The following ABI3BP variants were observed in gnomAD, a reference collection of about 807,000 sequenced individuals.
ABI3BP encodes the protein target of Nesh-SH3.
ABI3BP carries 216 observed loss-of-function variants against 268.6 expected under a neutral mutation model. That is an observed-to-expected ratio of 0.80 (90% CI 0.72 to 0.90). ABI3BP has a LOEUF of 0.90. Ranked by LOEUF, ABI3BP falls within the 40% of genes least tolerant of loss-of-function variation. ABI3BP has a pLI of 0.00. For missense variants in ABI3BP, 2,090 were observed against 2,182.4 expected (o/e 0.96, Z 0.84); for synonymous variants, 730 against 730.0 (o/e 1.00, Z 0.00).
At chr3:100,778,901 T>C (rs2096788961) in intron 58 of ABI3BP, among the ~76,000 whole-genome samples, 1 of 152,178 alleles carries the variant, frequency 6.6e-6, no homozygotes, top group Admixed American at 6.5e-5. Flanking sequence ...CAATCCCCCA[T>C]AGATACCAAG....
chr3:100,788,610 C>A (rs1384379554), intron 56 of ABI3BP, among the ~76,000 whole-genome samples: 2 of 152,058 alleles, frequency 1.3e-5, no homozygotes, highest in Non-Finnish European at 2.9e-5. Flanking sequence ...AAGCTCTCAA[C>A]ACCTATCATG....
At chr3:100,899,531 G>T (rs2049221495) in intron 3 of ABI3BP, among the ~76,000 whole-genome samples, 1 of 152,156 alleles carries the variant, frequency 6.6e-6, no homozygotes, top group Non-Finnish European at 1.5e-5. Context: ...CAGTTGTTCT[G>T]ATGGTGCCAA....
At chr3:100,799,439 T>C (rs2097455306) in intron 51 of ABI3BP, among the ~76,000 whole-genome samples, 1 of 152,170 alleles carries the variant, frequency 6.6e-6, no homozygotes, top group Admixed American at 6.5e-5. Context: ...TGAATACATA[T>C]TAATGTTTCT....
intron 18 of ABI3BP, 116 bp downstream of exon 18, chr3:100,848,685 C>A: frequency 1.0e-6 from 1 of 1,003,670 alleles, no homozygotes; most frequent in East Asian, 2.7e-5. Context: ...CCTTGGCCTC[C>A]CAAAGTGCTG....
At chr3:100,894,448 C>T (rs2046202117) in intron 4 of ABI3BP, among the ~76,000 whole-genome samples, 1 of 152,038 alleles carries the variant, frequency 6.6e-6, no homozygotes, top group Admixed American at 6.6e-5. Flanking sequence ...CAGGAAGTAA[C>T]GGTGGGCAAG....
rs1199788650 is a variant in ABI3BP, at chr3:100,749,851, A to ATGAAATTTACTGATTCAATCTTT, written c.*621_*643dup. On this transcript the variant is annotated 3_prime_UTR_variant, in exon 68 of 68. Transcript: ENST00000471714. Reference sequence around the variant, plus strand: ...ATATTAGACTCCATTTTTAGCTGAAATGAAATTTACTGATTCAATCTTTTT... The same window carrying ATGAAATTTACTGATTCAATCTTT: ...ATATTAGACTCCATTTTTAGCTGAAATGAAATTTACTGATTCAATCTTTTGAAATTTACTGATTCAATCTTTTT... The ATGAAATTTACTGATTCAATCTTT allele has an allele frequency of 2.5e-6, 1 of 396,524 alleles. No homozygotes were observed. The highest frequency in any genetic ancestry group is 2.1e-5 in the African/African-American group (1 of 48,574). The allele number at this position is 396,524 out of a possible 1,614,324, so 24.6% of individuals were successfully genotyped here. A position where few individuals can be genotyped will look rare whatever the true frequency, so the allele number is the denominator to read the frequency against.
At chr3:100,771,591 A>G (rs1270438680) in intron 61 of ABI3BP, among the ~76,000 whole-genome samples, 1 of 152,186 alleles carries the variant, frequency 6.6e-6, no homozygotes, top group African/African-American at 2.4e-5. Flanking sequence ...AAAAGACCCA[A>G]ATCAAATTTC....
intron 2 of ABI3BP, among the ~76,000 whole-genome samples, chr3:100,914,005 A>C (rs894253716): frequency 2.6e-5 from 4 of 152,218 alleles, no homozygotes; most frequent in Admixed American, 2.6e-4. Context: ...AAGATGAATG[A>C]AGCCCGAGGC....
intron 67 of ABI3BP, 63 bp downstream of exon 67, chr3:100,751,489 C>T: frequency 1.4e-6 from 2 of 1,430,824 alleles, no homozygotes; most frequent in South Asian, 3.2e-5. Context: ...CTTTCCTCAG[C>T]TTGATTTCTT....
intron 57 of ABI3BP, among the ~76,000 whole-genome samples, chr3:100,786,462 T>C (rs1290799387): frequency 1.3e-5 from 2 of 152,204 alleles, no homozygotes; most frequent in African/African-American, 2.4e-5. Flanking sequence ...AATGGTTTGT[T>C]TCCCTGAGAG....
intron 37 of ABI3BP, among the ~76,000 whole-genome samples, chr3:100,823,249 C>G (rs2152695294): frequency 6.6e-6 from 1 of 152,174 alleles, no homozygotes; most frequent in South Asian, 2.1e-4. Flanking sequence ...AATAACATGA[C>G]AATTTCAAGC....
chr3:100,821,665 C>T (rs967656850), intron 38 of ABI3BP, among the ~76,000 whole-genome samples: 9 of 145,590 alleles, frequency 6.2e-5, no homozygotes, highest in African/African-American at 1.3e-4. Context: ...TGCAGTGGCG[C>T]GATCTCGGCT....
chr3:100,840,937 C>G, intron 21 of ABI3BP, 79 bp from the exon 22 acceptor site: 2 of 1,190,916 alleles, frequency 1.7e-6, no homozygotes, highest in Non-Finnish European at 2.4e-6. Flanking sequence ...ATGGAATATG[C>G]TTAATTTTTA....
chr3:100,946,890 G>A (rs2072675365), intron 1 of ABI3BP, among the ~76,000 whole-genome samples: 1 of 151,956 alleles, frequency 6.6e-6, no homozygotes, highest in Non-Finnish European at 1.5e-5. Context: ...GAATAGTTTA[G>A]GCTATACTAA....
At chr3:100,794,824 T>G in intron 54 of ABI3BP, 99 bp downstream of exon 54, 1 of 845,824 alleles carries the variant, frequency 1.2e-6, no homozygotes, top group South Asian at 1.6e-5. Flanking sequence ...AATAACCTAT[T>G]ATTTAGAAAA....
chr3:100,774,557 C>T, intron 61 of ABI3BP, 48 bp downstream of exon 61: 2 of 1,442,434 alleles, frequency 1.4e-6, no homozygotes, highest in Non-Finnish European at 1.9e-6. Flanking sequence ...GATACACCTA[C>T]CAAAAATGGC....
At chr3:100,800,063 TTCAG>T (rs1560210835) in intron 51 of ABI3BP, among the ~76,000 whole-genome samples, 1 of 152,150 alleles carries the variant, frequency 6.6e-6, no homozygotes, top group Admixed American at 6.5e-5. Flanking sequence ...CATAACAGCA[TTCAG>T]TCATTCTCTA....
Position 100,770,953 on chromosome 3 carries a change from C to A in ABI3BP, c.4532-1G>T, listed in dbSNP as rs2096527977. The stretch of plus-strand genomic sequence containing the variant: ...TTTTGGATGTATCGCACATGAGGTC[C>A]TACGAGAGAGAGGACCCTTGACATT... On this transcript the variant is annotated splice_acceptor_variant, in intron 61 of 67. Coordinates refer to ENST00000471714, the MANE Select transcript of ABI3BP (RefSeq NM_001375547.2). LOFTEE classifies it high-confidence loss of function. 1 of 1,551,074 alleles carries A rather than the reference C, an allele frequency of 6.4e-7. No individual in the cohort carries two copies. The highest frequency in any genetic ancestry group is 2.4e-5 in the East Asian group (1 of 41,680).
At chr3:100,933,748 C>T (rs1303113795) in intron 1 of ABI3BP, among the ~76,000 whole-genome samples, 1 of 151,462 alleles carries the variant, frequency 6.6e-6, no homozygotes, top group East Asian at 1.9e-4. Context: ...ATAGATTCCT[C>T]ATTAAAGGAG....
Sources: gnomAD v4.1 joint callset for allele counts (sites outside exome capture counted in the v4.1 genomes callset) on GRCh38, gnomAD v4.1.1 for gene constraint, MANE v1.5 for transcripts, NCBI Gene and HGNC (gene_info 2026-07-23, HGNC 2026-07-21) for gene names.